ZNF544: variants seen among roughly 807,000 people sequenced by gnomAD.
ZNF544 encodes zinc finger protein 544.
In ZNF544, 10 loss-of-function variants were observed where a neutral mutation model predicts 13.5. The ratio of observed to expected loss-of-function variants is 0.74; its 90% CI spans 0.46 to 1.25. ZNF544 has a LOEUF of 1.25. Among genes scored for constraint, ZNF544 ranks in the 50% most tolerant of loss-of-function variants. The pLI, the probability that ZNF544 is intolerant of heterozygous loss-of-function variation, is 0.00. For missense variants in ZNF544, 896 were observed against 845.6 expected (o/e 1.06, Z -0.74); for synonymous variants, 323 against 300.5 (o/e 1.07, Z -0.77).
intron 5 of ZNF544, among the ~76,000 whole-genome samples, chr19:58,270,304 C>CTT (rs202213273): frequency 0.038 from 5,128 of 136,186 alleles, 235 homozygotes; most frequent in Admixed American, 0.076. Flanking sequence ...TAGGTATTGG[C>CTT]TTTTTTTTTC....
chr19:58,276,361 A>G (rs545258336), exon 6 of ZNF544: 36 of 1,231,742 alleles, frequency 2.9e-5, no homozygotes, highest in Middle Eastern at 6.2e-4. Context: ...GGGACTCCCA[A>G]TAGAAGACAG....
Position 58,270,291 on chromosome 19 carries a change from C to G in ZNF544, c.245-6032C>G, listed in dbSNP as rs1318118725. On this transcript the variant is annotated intron_variant, in intron 5 of 6. Coordinates refer to the ZNF544 transcript ENST00000595981. ...GGCATTTGCATAGCTGTGACGTGAA[C>G]CCTAGGTATTGGCTTTTTTTTTCTT... 1.9e-4 allele frequency among the ~76,000 whole-genome samples: 29 copies of G among 150,848 alleles called. No individual in the cohort carries two copies. In the Admixed American group the frequency reaches 1.9e-3, roughly 10 times the overall value.
At chr19:58,241,423 C>T (rs899311375) in intron 3 of ZNF544, among the ~76,000 whole-genome samples, 2 of 150,888 alleles carry the variant, frequency 1.3e-5, no homozygotes, top group African/African-American at 2.4e-5. Context: ...TACTTTAAAC[C>T]TTTTTTGGTA....
In ZNF544 at chr19:58,246,346, G is replaced by A. The variant is rs972247299; in HGVS notation, c.79G>A (p.Glu27Lys). Residue 27 changes from glutamate (E) to lysine (K), a missense_variant, in exon 5 of 7, where the codon GAG (glutamate) becomes AAG (lysine). Transcript: ENST00000687789. ...TGTGGCTATGGCATTCACACAGGAG[G>A]AGTGGGAACAGCTGGACCTGGCCCA... is the stretch of plus-strand genomic sequence containing the variant. ...EDVAMAFTQE[E>K]WEQLDLAQRT... 4 of 1,614,104 alleles carry A rather than the reference G, an allele frequency of 2.5e-6. No homozygotes were observed. The highest frequency in any genetic ancestry group is 1.1e-5 in the South Asian group (1 of 91,070).
In ZNF544 at chr19:58,249,196, C is replaced by T. The variant is rs1459076793; in HGVS notation, c.244+2402C>T. Among the ~76,000 whole-genome samples the T allele has an allele frequency of 7.2e-5, 11 of 152,160 alleles. 1 individual carries two copies. The highest frequency in any genetic ancestry group is 7.2e-4 in the Admixed American group (11 of 15,276). On this transcript the variant is annotated intron_variant, in intron 6 of 6. Coordinates refer to ENST00000687789, the MANE Select transcript of ZNF544 (RefSeq NM_014480.4). ...CACCCTTAGGTTTCTTGCCTCCATA[C>T]CCTGTTCTCATACCTCATTTCCCCC...
chr19:58,272,656 G>A (rs369832979), intron 5 of ZNF544, among the ~76,000 whole-genome samples: 2 of 151,944 alleles, frequency 1.3e-5, no homozygotes, highest in Admixed American at 6.6e-5. Context: ...AAGTTGAGGC[G>A]GGAGAATCAT....
downstream of ZNF544, among the ~76,000 whole-genome samples, chr19:58,264,346 T>G (rs2049557690): frequency 6.8e-6 from 1 of 146,578 alleles, no homozygotes; most frequent in African/African-American, 2.6e-5. Context: ...ATCAAGCCAT[T>G]GTGCTCCAGC....
intron 4 of ZNF544, 91 bp from the exon 5 acceptor site, chr19:58,246,210 G>C: frequency 6.4e-6 from 10 of 1,562,640 alleles, no homozygotes; most frequent in South Asian, 1.1e-5. Flanking sequence ...TGAATTTTAC[G>C]GGGGGACACC....
Position 58,263,641 on chromosome 19 carries a change from A to G in ZNF544, c.*887A>G, listed in dbSNP as rs1402805304. 4.2e-6 allele frequency: 4 copies of G among 945,758 alleles called. No homozygotes were observed. The highest frequency in any genetic ancestry group is 5.0e-6 in the Non-Finnish European group (4 of 794,112). The allele number at this position is 945,758 out of a possible 1,614,324, so 58.6% of individuals were successfully genotyped here. On this transcript the variant is annotated 3_prime_UTR_variant, in exon 7 of 7. Transcript: ENST00000687789. ...CAACTAAATAAAAATCTCTGGCAGT[A>G]AAATCCAGGAGTCTGCAGTTTCTAA...
chr19:58,274,189 C>T (rs2051037940), intron 5 of ZNF544, among the ~76,000 whole-genome samples: 2 of 151,900 alleles, frequency 1.3e-5, no homozygotes, highest in South Asian at 4.1e-4. Context: ...TATAATTTTT[C>T]AAAATCTATT....
At chr19:58,257,711 A>G (rs2047825963) in intron 6 of ZNF544, 1 of 152,142 alleles carries the variant, frequency 6.6e-6, no homozygotes, top group Admixed American at 6.5e-5. Flanking sequence ...CCCAGACCCT[A>G]TTCTCCTGCC....
chr19:58,272,196 G>T, intron 5 of ZNF544, among the ~76,000 whole-genome samples: 1 of 148,652 alleles, frequency 6.7e-6, no homozygotes, highest in South Asian at 2.1e-4. Flanking sequence ...AAGAAAAGAT[G>T]TCAGACTTGT....
downstream of ZNF544, chr19:58,264,092 CAAAAA>C (rs34001424): frequency 1.5e-5 from 2 of 135,002 alleles, no homozygotes; most frequent in Non-Finnish European, 1.6e-5. Flanking sequence ...AAGACTGTCT[CAAAAA>C]AAAAAAAAAA....
intron 6 of ZNF544, among the ~76,000 whole-genome samples, chr19:58,254,864 C>A: frequency 7.2e-6 from 1 of 139,020 alleles, no homozygotes. Context: ...TTCTTTCTTT[C>A]TTTTTTTTTT....
downstream of ZNF544, among the ~76,000 whole-genome samples, chr19:58,268,376 A>G (rs765735758): frequency 6.6e-6 from 1 of 152,246 alleles, no homozygotes; most frequent in Non-Finnish European, 1.5e-5. Flanking sequence ...AGGCTCTTTG[A>G]AATTACAAGT....
chr19:58,268,504 A>G (rs1168981258), downstream of ZNF544, among the ~76,000 whole-genome samples: 2 of 152,188 alleles, frequency 1.3e-5, no homozygotes, highest in East Asian at 3.8e-4. Context: ...GGCCGTTTTT[A>G]CTTTCTGCAG....
intron 1 of ZNF544, 62 bp downstream of exon 1, chr19:58,229,008 C>G (rs1330926536): frequency 2.0e-5 from 3 of 152,398 alleles, no homozygotes; most frequent in African/African-American, 7.2e-5. Context: ...GCGGCCGGAG[C>G]GCAGGACCAG....
intron 5 of ZNF544, among the ~76,000 whole-genome samples, chr19:58,275,045 G>T (rs77027652): frequency 0.01 from 1,546 of 152,226 alleles, 21 homozygotes; most frequent in African/African-American, 0.036. Flanking sequence ...AAGGGAGAAA[G>T]GGGGTGGTAA....
downstream of ZNF544, among the ~76,000 whole-genome samples, chr19:58,265,691 A>G (rs562128241): frequency 2.8e-4 from 43 of 152,188 alleles, no homozygotes; most frequent in African/African-American, 1.0e-3. Flanking sequence ...AGCCTGGATC[A>G]ACTGATCCTC....
Sources: gnomAD v4.1 joint callset for allele counts (sites outside exome capture counted in the v4.1 genomes callset) on GRCh38, gnomAD v4.1.1 for gene constraint, MANE v1.5 for transcripts, NCBI Gene and HGNC (gene_info 2026-07-23, HGNC 2026-07-21) for gene names.